Variants in JAZF1 observed in about 807,000 individuals in gnomAD.
JAZF1 encodes the protein JAZF zinc finger 1.
A neutral mutation model predicts 26.4 loss-of-function variants in JAZF1; 8 were observed. The ratio of observed to expected loss-of-function variants is 0.30; its 90% CI spans 0.18 to 0.55. The LOEUF is 0.55. Ranked by LOEUF, JAZF1 falls within the 20% of genes least tolerant of loss-of-function variation. The pLI is 0.94. For synonymous variants in JAZF1, 126 were observed against 122.3 expected, an observed-to-expected ratio of 1.03 and a Z score of -0.20; for missense variants, 199 against 322.0, an observed-to-expected ratio of 0.62 and a Z score of 2.92.
At chr7:27,968,488 T>C (rs1194485757) in intron 2 of JAZF1, among the ~76,000 whole-genome samples, 2 of 152,216 alleles carry the variant, frequency 1.3e-5, no homozygotes, top group Non-Finnish European at 2.9e-5. Context: ...TACCACAGTT[T>C]TCCAATTTAA....
At chr7:28,070,631 T>C (rs1783961560) in intron 1 of JAZF1, among the ~76,000 whole-genome samples, 1 of 152,228 alleles carries the variant, frequency 6.6e-6, no homozygotes, top group Non-Finnish European at 1.5e-5. Context: ...CATCTAGCTC[T>C]TCTTAGACTT....
intron 2 of JAZF1, among the ~76,000 whole-genome samples, chr7:27,938,529 T>C (rs1456159334): frequency 6.6e-6 from 1 of 152,232 alleles, no homozygotes; most frequent in African/African-American, 2.4e-5. Context: ...AAGGTACTTA[T>C]CTCTGTGCCT....
chr7:27,933,465 T>C lies in JAZF1; in HGVS notation c.189-38049A>G, dbSNP rs573346553. ...CCTCCTTTGGGACTCTCCAGTTTATTACAAAAAACACACATAAATATTACT... is the reference window on the plus strand; with the variant it reads ...CCTCCTTTGGGACTCTCCAGTTTATCACAAAAAACACACATAAATATTACT... On this transcript the variant is annotated intron_variant, in intron 2 of 4. Coordinates refer to ENST00000283928, the MANE Select transcript of JAZF1 (RefSeq NM_175061.4). Among the ~76,000 whole-genome samples the C allele has an allele frequency of 2.6e-5, 4 of 152,324 alleles. No homozygotes were observed. In the South Asian group the frequency reaches 8.3e-4, roughly 32 times the overall value.
intron 1 of JAZF1, among the ~76,000 whole-genome samples, chr7:28,151,775 G>C (rs1304721907): frequency 7.9e-5 from 12 of 151,370 alleles, no homozygotes; most frequent in Admixed American, 7.9e-4. Flanking sequence ...TGGACAAAAA[G>C]AGTGAAATTC....
intron 2 of JAZF1, among the ~76,000 whole-genome samples, chr7:27,905,459 GGAA>G (rs1784238657): frequency 6.7e-6 from 1 of 149,744 alleles, no homozygotes; most frequent in African/African-American, 2.4e-5. Flanking sequence ...TGGGGGAGAG[GGAA>G]GAAGAAAAGG....
chr7:28,104,808 G>A, intron 1 of JAZF1, among the ~76,000 whole-genome samples: 1 of 152,182 alleles, frequency 6.6e-6, no homozygotes, highest in Non-Finnish European at 1.5e-5. Context: ...GAAGAATAAG[G>A]GGAGATTAAA....
intron 1 of JAZF1, among the ~76,000 whole-genome samples, chr7:28,048,982 C>T (rs1369175095): frequency 6.7e-6 from 1 of 148,686 alleles, no homozygotes. Flanking sequence ...CCCTTCCCTT[C>T]CTTCCCTTCC....
chr7:28,036,374 G>GTTAT (rs1783293594), intron 1 of JAZF1, among the ~76,000 whole-genome samples: 1 of 152,186 alleles, frequency 6.6e-6, no homozygotes, highest in South Asian at 2.1e-4. Context: ...GTTTTGTACA[G>GTTAT]TTATTGGGAG....
intron 1 of JAZF1, chr7:28,020,484 T>C (rs969264258): frequency 1.6e-5 from 7 of 425,048 alleles, no homozygotes; most frequent in African/African-American, 1.2e-4. Flanking sequence ...GAAGCAGGAG[T>C]TGAAGCCTAT....
At chr7:28,125,858 AT>A (rs1250004560) in intron 1 of JAZF1, among the ~76,000 whole-genome samples, 2 of 152,142 alleles carry the variant, frequency 1.3e-5, no homozygotes, top group Non-Finnish European at 2.9e-5. Flanking sequence ...GTGCTAAATG[AT>A]AGAGACAGAT....
intron 1 of JAZF1, among the ~76,000 whole-genome samples, chr7:28,140,334 T>C (rs1221504710): frequency 6.6e-6 from 1 of 152,088 alleles, no homozygotes; most frequent in Non-Finnish European, 1.5e-5. Context: ...CCACCTGCCT[T>C]GGCCTCCCAA....
chr7:27,839,661 T>C (rs1381485319), intron 4 of JAZF1, among the ~76,000 whole-genome samples: 2 of 152,202 alleles, frequency 1.3e-5, no homozygotes, highest in African/African-American at 4.8e-5. Context: ...CTTTGCATGA[T>C]GGAATTGTAA....
At chr7:28,152,413 C>A (rs1303435748) in intron 1 of JAZF1, among the ~76,000 whole-genome samples, 1 of 152,158 alleles carries the variant, frequency 6.6e-6, no homozygotes, top group Admixed American at 6.5e-5. Context: ...TATAAGTAAG[C>A]TGGCCCTCTG....
At chr7:28,126,158 C>T (rs1782690337) in intron 1 of JAZF1, among the ~76,000 whole-genome samples, 1 of 152,094 alleles carries the variant, frequency 6.6e-6, no homozygotes, top group African/African-American at 2.4e-5. Context: ...CCATCATCCC[C>T]CAAAGCTACC....
At chr7:27,887,211 C>T (rs1218456234) in intron 3 of JAZF1, among the ~76,000 whole-genome samples, 1 of 151,890 alleles carries the variant, frequency 6.6e-6, no homozygotes, top group Non-Finnish European at 1.5e-5. Context: ...ATAATCTGGA[C>T]AATAAACCCC....
At chr7:28,027,538 T>A (rs1347935912) in intron 1 of JAZF1, among the ~76,000 whole-genome samples, 1 of 152,144 alleles carries the variant, frequency 6.6e-6, no homozygotes, top group Non-Finnish European at 1.5e-5. Flanking sequence ...GGGAAATACT[T>A]CCTTAGACTC....
In JAZF1 at chr7:27,856,853, C is replaced by A. The variant is rs1263125545; in HGVS notation, c.386-15986G>T. Among the ~76,000 whole-genome samples, 73 of 152,312 alleles carry A rather than the reference C, an allele frequency of 4.8e-4. 1 individual carries two copies. The highest frequency in any genetic ancestry group is 1.5e-5 in the Non-Finnish European group (1 of 68,026). On this transcript the variant is annotated intron_variant, in intron 3 of 4. Coordinates refer to ENST00000283928, the MANE Select transcript of JAZF1 (RefSeq NM_175061.4). ...AGTGCTGATTGGTGCATTCACAAAC[C>A]CTGAGCTAGACACAGGTGCTGATTG...
intron 1 of JAZF1, among the ~76,000 whole-genome samples, chr7:28,031,546 A>G (rs1783193300): frequency 6.6e-6 from 1 of 152,230 alleles, no homozygotes; most frequent in African/African-American, 2.4e-5. Context: ...CGTCCTGCAG[A>G]GCGTACCATT....
chr7:27,991,702 T>A (rs1428077035), intron 2 of JAZF1, among the ~76,000 whole-genome samples: 1 of 152,212 alleles, frequency 6.6e-6, no homozygotes, highest in South Asian at 2.1e-4. Context: ...AAATCAGTCA[T>A]GTTTGCAGCA....
Sources: allele counts gnomAD v4.1 joint callset (sites outside exome capture counted in the v4.1 genomes callset), GRCh38; gene constraint gnomAD v4.1.1; transcripts MANE v1.5; gene names NCBI Gene and HGNC (gene_info 2026-07-23, HGNC 2026-07-21).